Variants in PARM1 observed in about 807,000 individuals in gnomAD.
The protein encoded by PARM1 is WSC4, cell wall integrity and stress response component 4 homolog.
Under a neutral mutation model 24.6 loss-of-function variants are expected in PARM1, and 14 were observed. The ratio of observed to expected loss-of-function variants is 0.57; its 90% CI spans 0.38 to 0.89. The LOEUF is 0.89. Ranked by LOEUF, PARM1 falls within the 40% of genes least tolerant of loss-of-function variation. PARM1 has a pLI of 0.00. For synonymous variants in PARM1, 179 were observed against 156.6 expected (o/e 1.14, Z -1.07); for missense variants, 362 against 380.4 (o/e 0.95, Z 0.40).
At chr4:75,003,066 C>T (rs1322224022) in intron 1 of PARM1, among the ~76,000 whole-genome samples, 1 of 152,110 alleles carries the variant, frequency 6.6e-6, no homozygotes, top group East Asian at 1.9e-4. Context: ...AATCTCCTTC[C>T]CACTCCCCAC....
intron 2 of PARM1, among the ~76,000 whole-genome samples, chr4:75,015,810 A>G (rs1478267073): frequency 2.6e-5 from 4 of 152,190 alleles, no homozygotes; most frequent in Non-Finnish European, 5.9e-5. Flanking sequence ...GCTCTAAGCC[A>G]AGTCAAGTCC....
chr4:75,036,156 A>G (rs1321362221), intron 3 of PARM1, among the ~76,000 whole-genome samples: 2 of 152,230 alleles, frequency 1.3e-5, no homozygotes, highest in Non-Finnish European at 2.9e-5. Context: ...AAGAGGCTAC[A>G]TTATCAAAAA....
chr4:75,028,757 G>T (rs767888831), intron 2 of PARM1, among the ~76,000 whole-genome samples: 1 of 152,182 alleles, frequency 6.6e-6, no homozygotes. Context: ...CTCTCTCAGA[G>T]TAACAACAAC....
intron 2 of PARM1, among the ~76,000 whole-genome samples, chr4:75,015,096 TC>T (rs1303095522): frequency 3.3e-5 from 5 of 152,196 alleles, no homozygotes; most frequent in Admixed American, 6.5e-5. Flanking sequence ...TCACTTTCTG[TC>T]CCCTTCAGGA....
chr4:74,979,698 A>G (rs552475918), intron 1 of PARM1, among the ~76,000 whole-genome samples: 13 of 152,316 alleles, frequency 8.5e-5, no homozygotes, highest in South Asian at 6.2e-4. Context: ...CCTGATGAAC[A>G]TCAATGCAAA....
intron 1 of PARM1, among the ~76,000 whole-genome samples, chr4:74,942,855 C>A (rs1578021556): frequency 1.3e-5 from 2 of 152,140 alleles, no homozygotes; most frequent in East Asian, 3.9e-4. Flanking sequence ...CTGTTCAGAG[C>A]CCTGTAATGG....
intron 1 of PARM1, among the ~76,000 whole-genome samples, chr4:74,960,086 C>T (rs1390624647): frequency 6.6e-6 from 1 of 152,202 alleles, no homozygotes; most frequent in Admixed American, 6.5e-5. Flanking sequence ...AACTTGCAGG[C>T]AGTTTGTAGG....
At chr4:74,976,855 C>T (rs898553112) in intron 1 of PARM1, among the ~76,000 whole-genome samples, 2 of 152,092 alleles carry the variant, frequency 1.3e-5, no homozygotes, top group African/African-American at 4.8e-5. Context: ...CCACAGCAGC[C>T]TTACAGAAGA....
At position 75,047,317 on chromosome 4, in the gene PARM1, A is replaced by G. The variant is rs1723626474; in HGVS notation, c.*1070A>G. ...AAAAAGAGGCACTAGTCTATCTGCA[A>G]TTACTCAACGAGGCATTTTCATAGG... On this transcript the variant is annotated 3_prime_UTR_variant, in exon 4 of 4. Transcript: ENST00000307428. 1.3e-5 allele frequency: 2 copies of G among 152,264 alleles called. No homozygotes were observed. The highest frequency in any genetic ancestry group is 6.5e-5 in the Admixed American group (1 of 15,284). The allele number at this position is 152,264 out of a possible 1,614,324, so 9.4% of individuals were successfully genotyped here.
intron 2 of PARM1, among the ~76,000 whole-genome samples, chr4:75,024,848 G>A (rs55915250): frequency 7.0e-4 from 106 of 152,166 alleles, no homozygotes; most frequent in African/African-American, 2.3e-3. Flanking sequence ...ACAGGTGTCC[G>A]CCACCACGCC....
At chr4:75,031,487 C>G (rs371150280) in intron 2 of PARM1, among the ~76,000 whole-genome samples, 1 of 151,526 alleles carries the variant, frequency 6.6e-6, no homozygotes, top group Non-Finnish European at 1.5e-5. Flanking sequence ...AGAGAGCCAC[C>G]CATCATATGG....
At chr4:75,034,041 G>C in intron 3 of PARM1, 80 bp downstream of exon 3, 1 of 1,121,952 alleles carries the variant, frequency 8.9e-7, no homozygotes. Flanking sequence ...CTGGATACTT[G>C]TTCCTTAATA....
chr4:74,945,506 G>A (rs1355220813), intron 1 of PARM1, among the ~76,000 whole-genome samples: 2 of 152,224 alleles, frequency 1.3e-5, no homozygotes, highest in African/African-American at 2.4e-5. Flanking sequence ...CATCACTGAT[G>A]TAATGGTTAG....
chr4:74,947,617 C>T (rs1197081398), intron 1 of PARM1, among the ~76,000 whole-genome samples: 1 of 152,038 alleles, frequency 6.6e-6, no homozygotes, highest in African/African-American at 2.4e-5. Flanking sequence ...TTCAACAACC[C>T]TTATATTTTA....
In PARM1 at chr4:74,993,697, A is replaced by G. The variant is rs948027912; in HGVS notation, c.44-18728A>G. Among the ~76,000 whole-genome samples the G allele has an allele frequency of 2.0e-5, 3 of 152,158 alleles. No individual in the cohort carries two copies. The East Asian group carries it at 5.8e-4, about 29-fold the overall frequency. ...ATTTTATAACAAATGAAGAAGTGAA[A>G]TGTATGACCATTTTTAATTTTTGAT... On this transcript the variant is annotated intron_variant, in intron 1 of 3. Transcript: ENST00000307428.
intron 1 of PARM1, among the ~76,000 whole-genome samples, chr4:74,940,985 A>C (rs1405352998): frequency 6.6e-6 from 1 of 152,214 alleles, no homozygotes; most frequent in East Asian, 1.9e-4. Flanking sequence ...TGTTCACCAG[A>C]GGGTCCTAAA....
intron 3 of PARM1, 127 bp from the exon 4 acceptor site, chr4:75,046,036 G>T: frequency 1.6e-6 from 1 of 641,482 alleles, no homozygotes; most frequent in East Asian, 2.8e-5. Context: ...TGCTGTCCTA[G>T]TGAGAGCGTC....
chr4:74,949,353 C>T (rs1721476775), intron 1 of PARM1, among the ~76,000 whole-genome samples: 1 of 152,160 alleles, frequency 6.6e-6, no homozygotes, highest in African/African-American at 2.4e-5. Flanking sequence ...GAGTCTTGCT[C>T]TGTCACCCAG....
chr4:74,955,204 A>G (rs371365072), intron 1 of PARM1, among the ~76,000 whole-genome samples: 3 of 152,174 alleles, frequency 2.0e-5, no homozygotes. Flanking sequence ...CTTACTCTAT[A>G]TAATGTAGAC....
Sources: allele counts gnomAD v4.1 joint callset (sites outside exome capture counted in the v4.1 genomes callset), GRCh38; gene constraint gnomAD v4.1.1; transcripts MANE v1.5; gene names NCBI Gene and HGNC (gene_info 2026-07-23, HGNC 2026-07-21).